Variants in RBFOX1 observed in about 807,000 individuals in gnomAD.
RBFOX1 encodes the protein RNA binding protein fox-1 homolog 1.
RBFOX1 carries 8 observed loss-of-function variants against 57.7 expected under a neutral mutation model. The observed-to-expected ratio is 0.14, with a 90% CI of 0.08 to 0.25. The LOEUF is 0.25. Ranked by LOEUF, RBFOX1 falls within the 10% of genes least tolerant of loss-of-function variation. The probability of loss-of-function intolerance (pLI) is 1.00; values close to 1 mark genes in which losing one functional copy is unlikely to be tolerated. For synonymous variants in RBFOX1, 326 were observed against 222.4 expected, an observed-to-expected ratio of 1.47 and a Z score of -4.15; for missense variants, 611 against 548.5, an observed-to-expected ratio of 1.11 and a Z score of -1.14.
At chr16:7,216,950 C>T (rs1288252459) in intron 4 of RBFOX1, among the ~76,000 whole-genome samples, 1 of 150,580 alleles carries the variant, frequency 6.6e-6, no homozygotes, top group African/African-American at 2.4e-5. Flanking sequence ...GGAATGCACC[C>T]AGGGCACATT....
Position 7,260,292 on chromosome 16 carries a change from C to A in RBFOX1, c.27+208194C>A, listed in dbSNP as rs568801616. On this transcript the variant is annotated intron_variant, in intron 4 of 15. Coordinates refer to ENST00000550418, the MANE Select transcript of RBFOX1 (RefSeq NM_018723.4). ...TGGACTTGCCAGATATCCAGACATG[C>A]TTCACTTTTGGTTTGAATTAACAGG... 9.5e-4 allele frequency among the ~76,000 whole-genome samples: 145 copies of A among 152,286 alleles called. 3 individuals are homozygous for A. In the South Asian group the frequency reaches 0.028, roughly 29 times the overall value.
At chr16:6,254,379 C>T (rs537930690) in intron 1 of RBFOX1, among the ~76,000 whole-genome samples, 13 of 152,136 alleles carry the variant, frequency 8.5e-5, no homozygotes, top group African/African-American at 7.2e-5. Context: ...AGAGAATTTA[C>T]GGCAATGAGA....
intron 1 of RBFOX1, among the ~76,000 whole-genome samples, chr16:5,448,888 C>T (rs2068334616): frequency 1.3e-5 from 2 of 152,132 alleles, no homozygotes; most frequent in African/African-American, 4.8e-5. Context: ...CTGGCATGAT[C>T]CGCCTGCTAC....
chr16:7,271,577 G>A (rs2095319403), intron 4 of RBFOX1, among the ~76,000 whole-genome samples: 1 of 152,094 alleles, frequency 6.6e-6, no homozygotes, highest in South Asian at 2.1e-4. Flanking sequence ...GATGTTATGA[G>A]TTGAAGCATA....
At chr16:7,679,533 G>A (rs543748466) in intron 14 of RBFOX1, among the ~76,000 whole-genome samples, 2 of 152,304 alleles carry the variant, frequency 1.3e-5, no homozygotes, top group East Asian at 1.9e-4. Flanking sequence ...AACTTTCCCT[G>A]TAATCATGAG....
intron 3 of RBFOX1, among the ~76,000 whole-genome samples, chr16:5,703,863 T>C (rs1663935509): frequency 6.6e-6 from 1 of 152,228 alleles, no homozygotes; most frequent in Non-Finnish European, 1.5e-5. Flanking sequence ...ATAGATGATA[T>C]GCAGTGTATG....
At chr16:6,788,335 G>C (rs1355716000) in intron 3 of RBFOX1, among the ~76,000 whole-genome samples, 1 of 151,962 alleles carries the variant, frequency 6.6e-6, no homozygotes, top group Non-Finnish European at 1.5e-5. Flanking sequence ...ATTTTATTCA[G>C]GTTCAACACA....
chr16:5,261,374 TG>T (rs199986793), intron 1 of RBFOX1, among the ~76,000 whole-genome samples: 5,601 of 152,198 alleles, frequency 0.037, 138 homozygotes, highest in Middle Eastern at 0.068. Context: ...TTATGAAGAC[TG>T]TTTTTTTTAA....
intron 4 of RBFOX1, among the ~76,000 whole-genome samples, chr16:5,872,839 C>T (rs1324735342): frequency 2.2e-4 from 33 of 152,186 alleles, no homozygotes; most frequent in Admixed American, 2.2e-3. Context: ...CAAAGTCCCC[C>T]TTCACTTACA....
At chr16:5,807,877 G>T (rs575933376) in intron 3 of RBFOX1, among the ~76,000 whole-genome samples, 1 of 152,312 alleles carries the variant, frequency 6.6e-6, no homozygotes, top group East Asian at 1.9e-4. Flanking sequence ...GGAGCAGGGA[G>T]CTGGACAACT....
intron 2 of RBFOX1, among the ~76,000 whole-genome samples, chr16:6,391,525 G>C (rs1030759556): frequency 6.9e-6 from 1 of 145,386 alleles, no homozygotes; most frequent in East Asian, 2.0e-4. Context: ...AAAAAAAAAA[G>C]AAAAAAAAGT....
In RBFOX1 at chr16:7,642,301, T is replaced by A. The variant is rs531145806; in HGVS notation, c.758-11514T>A. Reference sequence around the variant, plus strand: ...CCTCCAGGTTGGCTTTGGGCATTGATCAAAGGATCAGGACTCTTTTTTTTA... The same window carrying A: ...CCTCCAGGTTGGCTTTGGGCATTGAACAAAGGATCAGGACTCTTTTTTTTA... On this transcript the variant is annotated intron_variant, in intron 11 of 15. Coordinates refer to ENST00000550418, the MANE Select transcript of RBFOX1 (RefSeq NM_018723.4). Among the ~76,000 whole-genome samples, 4 of 152,276 alleles carry A rather than the reference T, an allele frequency of 2.6e-5. No homozygotes were observed. The South Asian group carries it at 8.3e-4, about 32-fold the overall frequency.
chr16:5,459,533 G>A (rs148695111), intron 1 of RBFOX1, among the ~76,000 whole-genome samples: 2 of 152,152 alleles, frequency 1.3e-5, no homozygotes, highest in African/African-American at 4.8e-5. Flanking sequence ...ATGTCTCAAG[G>A]CCATCTCAAA....
intron 3 of RBFOX1, among the ~76,000 whole-genome samples, chr16:6,935,255 G>T (rs898622901): frequency 1.3e-5 from 2 of 152,162 alleles, no homozygotes; most frequent in Non-Finnish European, 2.9e-5. Context: ...TGTGTTTAGT[G>T]TGGTTCCTGG....
At chr16:6,912,906 C>T (rs991870960) in intron 3 of RBFOX1, among the ~76,000 whole-genome samples, 7 of 152,268 alleles carry the variant, frequency 4.6e-5, no homozygotes, top group Non-Finnish European at 8.8e-5. Flanking sequence ...AGGCATGAGC[C>T]ACCAAGCCCA....
chr16:5,762,356 GA>G (rs35715399), intron 3 of RBFOX1, among the ~76,000 whole-genome samples: 120,938 of 145,660 alleles, frequency 0.83, 50,313 homozygotes, highest in East Asian at 0.94. Flanking sequence ...CGAACAAAAA[GA>G]AAAAAAAAAA....
intron 1 of RBFOX1, among the ~76,000 whole-genome samples, chr16:6,189,676 C>G (rs1374395577): frequency 1.3e-5 from 2 of 152,136 alleles, no homozygotes; most frequent in Non-Finnish European, 2.9e-5. Context: ...TCTTAATTCA[C>G]CTGTTGTCTC....
intron 1 of RBFOX1, among the ~76,000 whole-genome samples, chr16:5,305,524 C>G (rs192414804): frequency 6.6e-6 from 1 of 152,160 alleles, no homozygotes; most frequent in Non-Finnish European, 1.5e-5. Flanking sequence ...ATTAGAAAAA[C>G]AAAGTGGCTT....
intron 1 of RBFOX1, among the ~76,000 whole-genome samples, chr16:6,253,111 C>A (rs963978046): frequency 5.3e-5 from 8 of 152,164 alleles, no homozygotes; most frequent in Non-Finnish European, 7.3e-5. Context: ...CTATCTATCT[C>A]TATCATACAC....
Sources: allele counts gnomAD v4.1 joint callset (sites outside exome capture counted in the v4.1 genomes callset), GRCh38; gene constraint gnomAD v4.1.1; transcripts MANE v1.5; gene names NCBI Gene and HGNC (gene_info 2026-07-23, HGNC 2026-07-21).